SMC1A: variants seen among roughly 807,000 people sequenced by gnomAD.
SMC1A encodes structural maintenance of chromosomes 1A, also known as structural maintenance of chromosomes protein 1A.
In SMC1A, 4 loss-of-function variants were observed where a neutral mutation model predicts 94.5. The observed-to-expected ratio is 0.04, with a 90% confidence interval of 0.02 to 0.10. The LOEUF (loss-of-function observed/expected upper bound fraction) is 0.10, where lower values mean the gene tolerates loss of function less well. SMC1A is among the 10% of genes least tolerant of loss of function. The pLI, the probability that SMC1A is intolerant of heterozygous loss-of-function variation, is 1.00. For missense variants in SMC1A, 304 were observed against 989.0 expected (o/e 0.31, Z 9.29); for synonymous variants, 345 against 347.7 (o/e 0.99, Z 0.09).
At chrX:53,406,538 T>C (rs1389380139) in intron 9 of SMC1A, among the ~76,000 whole-genome samples, 2 of 112,182 alleles carry the variant, frequency 1.8e-5, no homozygotes, top group Admixed American at 1.9e-4. Context: ...TATGAAGCTA[T>C]GTTTGCCGAG....
At chrX:53,397,863 T>C (rs1556888264) in intron 16 of SMC1A, among the ~76,000 whole-genome samples, 2 of 110,958 alleles carry the variant, frequency 1.8e-5, no homozygotes, top group Non-Finnish European at 3.8e-5. Flanking sequence ...CTCAGGATTT[T>C]ACTGCCCAAG....
chrX:53,412,464 C>A, intron 5 of SMC1A, among the ~76,000 whole-genome samples: 1 of 112,480 alleles, frequency 8.9e-6, no homozygotes, highest in Non-Finnish European at 1.9e-5. Context: ...TCCAGCCACT[C>A]CATAAGGCAA....
At chrX:53,380,245 T>C in intron 24 of SMC1A, 59 bp from the exon 25 acceptor site, 1 of 854,729 alleles carries the variant, frequency 1.2e-6, no homozygotes, top group Non-Finnish European at 1.7e-6. Flanking sequence ...AAGAGGGGTC[T>C]AGTGCCCCAG....
Position 53,380,781 on chromosome X carries a change from C to T in SMC1A, c.3508-51G>A, listed in dbSNP as rs2075579390. 6 of 872,033 alleles carry T rather than the reference C, an allele frequency of 6.9e-6. No individual in the cohort carries two copies. The East Asian group carries it at 1.9e-4, about 27-fold the overall frequency. 71.9% of individuals were successfully genotyped at this position (872,033 alleles called of 1,213,427 possible). Reference sequence around the variant, plus strand: ...AGCAAGGCTCAAACCTTAACAGTCCCCAGTATTTTCCAGCCACAACCAGAA... The same window carrying T: ...AGCAAGGCTCAAACCTTAACAGTCCTCAGTATTTTCCAGCCACAACCAGAA... On this transcript the variant is annotated intron_variant, in intron 23 of 24. Transcript: ENST00000322213.
In SMC1A at chrX:53,378,459, C is replaced by G. The variant is rs1556885489; in HGVS notation, c.*1644G>C. ...TAAGCAAAGAAAACAAATTGCTAAACAATTCAATATATCATTTGCATTAAA... is the reference window on the plus strand; with the variant it reads ...TAAGCAAAGAAAACAAATTGCTAAAGAATTCAATATATCATTTGCATTAAA... On this transcript the variant is annotated 3_prime_UTR_variant, in exon 25 of 25. Transcript: ENST00000322213. 1 of 112,426 alleles carries G rather than the reference C, an allele frequency of 8.9e-6. No homozygotes were observed. Among genetic ancestry groups the G allele is most frequent in the Non-Finnish European group, 1.9e-5 (1 of 53,295 alleles). 9.3% of individuals were successfully genotyped at this position (112,426 alleles called of 1,213,427 possible). A position where few individuals can be genotyped will look rare whatever the true frequency, so the allele number is the denominator to read the frequency against.
intron 20 of SMC1A, among the ~76,000 whole-genome samples, 186 bp downstream of exon 20, chrX:53,382,911 C>T (rs1409108625): frequency 9.0e-6 from 1 of 111,375 alleles, no homozygotes; most frequent in Non-Finnish European, 1.9e-5. Context: ...GTCATTTACT[C>T]TCCGGGAACC....
intron 18 of SMC1A, 69 bp from the exon 19 acceptor site, chrX:53,394,957 T>C (rs1371282175): frequency 9.5e-6 from 6 of 629,345 alleles, no homozygotes; most frequent in Non-Finnish European, 1.6e-5. Flanking sequence ...GGGAGCTCCT[T>C]TGCAGCCTTC....
Position 53,411,893 on chromosome X carries a change from T to C in SMC1A, c.1122A>G (p.Lys374=). The C allele has an allele frequency of 8.3e-7, 1 of 1,211,436 alleles. No homozygotes were observed. The highest frequency in any genetic ancestry group is 1.1e-6 in the Non-Finnish European group (1 of 895,435). ...TGGCTTCTTCTTTCAACCGGTGGTATTTCTTCACCTGTGTTAGGGACAGGG... is the reference window on the plus strand; with the variant it reads ...TGGCTTCTTCTTTCAACCGGTGGTACTTCTTCACCTGTGTTAGGGACAGGG... The part of the protein sequence containing the change: ...DLTLEENQVK[K]YHRLKEEASK... Residue 374 remains lysine, a synonymous_variant, in exon 7 of 25, where the codon AAA becomes AAG. Transcript: ENST00000322213.
At chrX:53,386,997 T>C (rs1333495875) in intron 19 of SMC1A, among the ~76,000 whole-genome samples, 1 of 112,200 alleles carries the variant, frequency 8.9e-6, no homozygotes, top group Admixed American at 9.5e-5. Context: ...TTGTTACTAA[T>C]AATATATATA....
chrX:53,419,573 C>G (rs1028948750), intron 1 of SMC1A, among the ~76,000 whole-genome samples: 1 of 108,172 alleles, frequency 9.2e-6, no homozygotes, highest in Non-Finnish European at 1.9e-5. Flanking sequence ...CACCTGTAAT[C>G]GCAGCACTTT....
intron 16 of SMC1A, 28 bp downstream of exon 16, chrX:53,399,561 T>C (rs1748053810): frequency 8.4e-7 from 1 of 1,185,892 alleles, no homozygotes; most frequent in Non-Finnish European, 1.1e-6. Context: ...CAGTTATTAG[T>C]CTGTCTTTTA....
intron 9 of SMC1A, among the ~76,000 whole-genome samples, chrX:53,408,840 TAAAA>T (rs1295569888): frequency 1.5e-5 from 1 of 67,058 alleles, no homozygotes. Flanking sequence ...GGTTGAAAAA[TAAAA>T]AAAAAAAAAA....
intron 7 of SMC1A, 97 bp from the exon 8 acceptor site, chrX:53,409,600 A>T (rs2075703618): frequency 2.4e-5 from 16 of 662,836 alleles, no homozygotes; most frequent in Non-Finnish European, 3.8e-5. Context: ...CTCATCCAAG[A>T]GCCGAACAGT....
chrX:53,392,852 T>C (rs1164983707), intron 19 of SMC1A, among the ~76,000 whole-genome samples: 3 of 112,137 alleles, frequency 2.7e-5, no homozygotes, highest in East Asian at 2.8e-4. Context: ...TAAATATCTA[T>C]TGAATTCTGG....
chrX:53,383,248 G>C lies in SMC1A; in HGVS notation c.2979C>G (p.Ala993=). The C allele has an allele frequency of 8.5e-7, 1 of 1,170,343 alleles. No individual in the cohort carries two copies. The highest frequency in any genetic ancestry group is 1.9e-5 in the South Asian group (1 of 53,057). The stretch of plus-strand genomic sequence containing the variant: ...CTTGCTTGATCTCTTCCTCAGCCTG[G>C]GCATCCTGTAAGCCCCAGGCCCAGC... ...YGDLCEDLKD[A]QAEEEIKQEM... is the part of the protein sequence containing the mutation. Residue 993 remains alanine, a synonymous_variant, in exon 20 of 25, where the codon GCC becomes GCG. Transcript: ENST00000322213.
In SMC1A at chrX:53,377,199, T is replaced by A. The variant is rs1339646902; in HGVS notation, c.*2904A>T. On this transcript the variant is annotated 3_prime_UTR_variant, in exon 25 of 25. Transcript: ENST00000322213. Reference sequence around the variant, plus strand: ...AGTCTAGGCTCTGCCACTAAACCAGTGGAATCTTGGACAAGTCACCTCACC... The same window carrying A: ...AGTCTAGGCTCTGCCACTAAACCAGAGGAATCTTGGACAAGTCACCTCACC... 3 of 111,886 alleles carry A rather than the reference T, an allele frequency of 2.7e-5. No individual in the cohort carries two copies. The highest frequency in any genetic ancestry group is 5.6e-5 in the Non-Finnish European group (3 of 53,150). 9.2% of individuals were successfully genotyped at this position (111,886 alleles called of 1,213,427 possible). A position where few individuals can be genotyped will look rare whatever the true frequency, so the allele number is the denominator to read the frequency against.
At chrX:53,389,391 G>C (rs2075618214) in intron 19 of SMC1A, among the ~76,000 whole-genome samples, 1 of 111,341 alleles carries the variant, frequency 9.0e-6, no homozygotes, top group Non-Finnish European at 1.9e-5. Context: ...GTAAGCTGTA[G>C]AGTGTGTGTT....
At chrX:53,418,174 T>C (rs1556891534) in intron 1 of SMC1A, among the ~76,000 whole-genome samples, 2 of 112,875 alleles carry the variant, frequency 1.8e-5, no homozygotes, top group East Asian at 2.8e-4. Context: ...ACTTATTTTA[T>C]TTATTTTTTG....
intron 19 of SMC1A, among the ~76,000 whole-genome samples, chrX:53,390,775 G>A (rs1195628586): frequency 9.4e-6 from 1 of 105,839 alleles, no homozygotes; most frequent in Non-Finnish European, 1.9e-5. Context: ...GGTGGGTTAC[G>A]AGGTCAGGAG....
Sources: allele counts gnomAD v4.1 joint callset (sites outside exome capture counted in the v4.1 genomes callset), GRCh38; gene constraint gnomAD v4.1.1; transcripts MANE v1.5; gene names NCBI Gene and HGNC (gene_info 2026-07-23, HGNC 2026-07-21).